Variants in ERICH3 observed in about 807,000 individuals in gnomAD.
ERICH3 encodes the protein glutamate-rich protein 3.
Under a neutral mutation model 131.1 loss-of-function variants are expected in ERICH3, and 126 were observed. That is an observed-to-expected ratio of 0.96 (90% confidence interval 0.83 to 1.11). The LOEUF (loss-of-function observed/expected upper bound fraction) is 1.11. Among genes scored for constraint, ERICH3 ranks in the 50% most tolerant of loss-of-function variants. The pLI, the probability that ERICH3 is intolerant of heterozygous loss-of-function variation, is 0.00. For synonymous variants in ERICH3, 695 were observed against 644.6 expected, an observed-to-expected ratio of 1.08 and a Z score of -1.18; for missense variants, 2,050 against 1,810.7, an observed-to-expected ratio of 1.13 and a Z score of -2.40.
In ERICH3 at chr1:74,589,682, T is replaced by G. The variant is rs761890198; in HGVS notation, c.2125A>C (p.Thr709Pro). Residue 709 changes from threonine (T) to proline (P), a missense_variant, in exon 12 of 15, where the codon ACT becomes CCT. Thr to Pro is a conservative substitution (Grantham distance 38). Coordinates refer to ENST00000326665, the MANE Select transcript of ERICH3 (RefSeq NM_001002912.5). ...KDKSKLWEES[T>P]AQVKDKKAGL... Reference sequence around the variant, plus strand: ...GCCTTTTTGTCCTTCACCTGAGCAGTGCTTTCTTCCCAAAGCTTACTCTTA... The same window carrying G: ...GCCTTTTTGTCCTTCACCTGAGCAGGGCTTTCTTCCCAAAGCTTACTCTTA... 5 of 1,614,002 alleles carry G rather than the reference T, an allele frequency of 3.1e-6. No individual in the cohort carries two copies. In the South Asian group the frequency reaches 4.4e-5, roughly 14 times the overall value.
chr1:74,575,846 G>A (rs1193298467), intron 13 of ERICH3, among the ~76,000 whole-genome samples: 1 of 152,162 alleles, frequency 6.6e-6, no homozygotes, highest in Non-Finnish European at 1.5e-5. Flanking sequence ...CACTATAAGG[G>A]TGTCAGACAT....
At position 74,673,765 on chromosome 1, in the gene ERICH3, C is replaced by G; in HGVS notation, c.-246G>C. 1 of 397,678 alleles carries G rather than the reference C, an allele frequency of 2.5e-6. No individual in the cohort carries two copies. Among genetic ancestry groups the G allele is most frequent in the Non-Finnish European group, 4.4e-6 (1 of 227,646 alleles). The allele number at this position is 397,678 out of a possible 1,614,324, so 24.6% of individuals were successfully genotyped here. On this transcript the variant is annotated 5_prime_UTR_variant, in exon 1 of 15. Transcript: ENST00000326665. ...CTAAGGGAGGAGAGAGGCAAGCGCC[C>G]AGGGTCTGGAGAAGCGGAGGCGCTA...
At position 74,643,016 on chromosome 1, in the gene ERICH3, T is replaced by C; in HGVS notation, c.315+11A>G. The C allele has an allele frequency of 6.3e-7, 1 of 1,584,028 alleles. No individual in the cohort carries two copies. Among genetic ancestry groups the C allele is most frequent in the Non-Finnish European group, 8.6e-7 (1 of 1,157,916 alleles). The stretch of plus-strand genomic sequence containing the variant: ...TACTATGAAGTAAAAGAGAGTTATA[T>C]AACTCCTTACCTTAAACCTCTGGAT... On this transcript the variant is annotated intron_variant, in intron 4 of 14. Transcript: ENST00000326665.
chr1:74,642,098 A>G, intron 4 of ERICH3, among the ~76,000 whole-genome samples: 1 of 152,026 alleles, frequency 6.6e-6, no homozygotes, highest in East Asian at 1.9e-4. Context: ...AGAATCTATG[A>G]CTCAGTCCTT....
intron 12 of ERICH3, among the ~76,000 whole-genome samples, chr1:74,586,205 A>T (rs1647321748): frequency 6.6e-6 from 1 of 152,114 alleles, no homozygotes; most frequent in Non-Finnish European, 1.5e-5. Flanking sequence ...TAAGGTGAAT[A>T]AGAAGAAAAG....
At position 74,606,726 on chromosome 1, in the gene ERICH3, T is replaced by C; in HGVS notation, c.1364A>G (p.Lys455Arg). Residue 455 changes from lysine (K) to arginine (R), a missense_variant, in exon 10 of 15, where the codon AAA becomes AGA. By Grantham distance (26) the Lys-to-Arg change is conservative (BLOSUM62 2). Coordinates refer to ENST00000326665, the MANE Select transcript of ERICH3 (RefSeq NM_001002912.5). ...IKENKTSVSAKFSAQEIKTGL... is the reference protein window; with the variant it reads ...IKENKTSVSARFSAQEIKTGL... ...TGTTTTTATTTCTTGAGCTGAAAAT[T>C]TGGCTGAAACAGAGGTTTTGTTCTC... The C allele has an allele frequency of 6.2e-7, 1 of 1,613,460 alleles. No homozygotes were observed. Among genetic ancestry groups the C allele is most frequent in the Middle Eastern group, 1.7e-4 (1 of 6,060 alleles).
intron 8 of ERICH3, among the ~76,000 whole-genome samples, chr1:74,620,225 A>C (rs574298605): frequency 6.6e-6 from 1 of 152,328 alleles, no homozygotes; most frequent in Admixed American, 6.5e-5. Flanking sequence ...ACAAACGTGG[A>C]TTTATGATCA....
chr1:74,648,194 G>A (rs916562759), intron 2 of ERICH3, among the ~76,000 whole-genome samples: 1 of 152,108 alleles, frequency 6.6e-6, no homozygotes, highest in African/African-American at 2.4e-5. Flanking sequence ...TGTTCAGTAA[G>A]TGCTTGTTAA....
At chr1:74,616,112 G>A (rs188852117) in intron 8 of ERICH3, among the ~76,000 whole-genome samples, 132 of 151,942 alleles carry the variant, frequency 8.7e-4, no homozygotes, top group African/African-American at 3.1e-3. Context: ...AGCTATTCTC[G>A]TGCCTCAGCC....
intron 6 of ERICH3, among the ~76,000 whole-genome samples, chr1:74,632,602 C>A (rs1157791610): frequency 2.0e-5 from 3 of 151,704 alleles, no homozygotes; most frequent in Non-Finnish European, 4.4e-5. Context: ...GTTAATTGCA[C>A]AAAATGTAAC....
Position 74,589,759 on chromosome 1 carries a change from C to A in ERICH3, c.2048G>T (p.Gly683Val), listed in dbSNP as rs1405076738. Residue 683 changes from glycine (G) to valine (V), a missense_variant, in exon 12 of 15, where the codon GGT becomes GTT. Gly to Val is a moderately radical substitution (Grantham distance 109). Transcript: ENST00000326665. Reference sequence around the variant, plus strand: ...ATGTTTCCCGGACTTCTCAGATAAACCCTCTGCAATCTCTTGGGTTCCTTT... The same window carrying A: ...ATGTTTCCCGGACTTCTCAGATAAAACCTCTGCAATCTCTTGGGTTCCTTT... ...TEKGTQEIAE[G>V]LSEKSGKHVS... 6 of 1,614,010 alleles carry A rather than the reference C, an allele frequency of 3.7e-6. No homozygotes were observed. Among genetic ancestry groups the A allele is most frequent in the Admixed American group, 1.7e-5 (1 of 59,984 alleles).
At chr1:74,633,191 T>C (rs1039410266) in intron 6 of ERICH3, among the ~76,000 whole-genome samples, 3 of 151,846 alleles carry the variant, frequency 2.0e-5, no homozygotes. Flanking sequence ...CATTGCTAAA[T>C]GAGCAAAAGG....
intron 8 of ERICH3, 98 bp downstream of exon 8, chr1:74,620,636 T>C: frequency 9.1e-7 from 1 of 1,103,194 alleles, no homozygotes; most frequent in Admixed American, 2.7e-5. Context: ...ATGCATAATT[T>C]CATAAAGTGA....
At chr1:74,605,709 A>T (rs1648354250) in intron 10 of ERICH3, among the ~76,000 whole-genome samples, 1 of 151,756 alleles carries the variant, frequency 6.6e-6, no homozygotes, top group Non-Finnish European at 1.5e-5. Flanking sequence ...TACATGGTAC[A>T]GCTCATGGCA....
Position 74,636,437 on chromosome 1 carries a change from G to A in ERICH3, c.446C>T (p.Thr149Ile). The change falls in exon 6 of 15, where the codon ACA becomes ATA. Residue 149 changes from threonine to isoleucine, a missense_variant and splice_region_variant. By Grantham distance (89) the Thr-to-Ile change is moderately conservative. Coordinates refer to ENST00000326665, the MANE Select transcript of ERICH3 (RefSeq NM_001002912.5). ...DEGHSSPLAL[T>I]APRPYTAPGN... Reference sequence around the variant, plus strand: ...TGGAGCAGTATATGGTCGAGGGGCTGTCTAGACAATTAGGGGAAAAAATTC... The same window carrying A: ...TGGAGCAGTATATGGTCGAGGGGCTATCTAGACAATTAGGGGAAAAAATTC... 4.4e-6 allele frequency: 7 copies of A among 1,597,636 alleles called. No homozygotes were observed. The highest frequency in any genetic ancestry group is 6.0e-6 in the Non-Finnish European group (7 of 1,172,160).
chr1:74,579,466 G>C (rs186372032), intron 12 of ERICH3: 1 of 985,190 alleles, frequency 1.0e-6, no homozygotes, highest in African/African-American at 1.7e-5. Flanking sequence ...ACTTGCCCAC[G>C]TCTGCTGGCT....
chr1:74,607,034 C>T (rs1648434744), intron 9 of ERICH3, 132 bp from the exon 10 acceptor site: 2 of 628,946 alleles, frequency 3.2e-6, no homozygotes, highest in East Asian at 3.1e-5. Flanking sequence ...ACAGTACACA[C>T]TAATAAAAAT....
intron 10 of ERICH3, among the ~76,000 whole-genome samples, chr1:74,606,074 G>A (rs1210730185): frequency 6.6e-6 from 1 of 151,408 alleles, no homozygotes; most frequent in Non-Finnish European, 1.5e-5. Flanking sequence ...AGAAGCAGTG[G>A]AAGGCAGGAG....
chr1:74,571,334 G>A lies in ERICH3; in HGVS notation c.4376C>T (p.Thr1459Ile). 2 of 1,613,950 alleles carry A rather than the reference G, an allele frequency of 1.2e-6. No individual in the cohort carries two copies. Among genetic ancestry groups the A allele is most frequent in the Non-Finnish European group, 1.7e-6 (2 of 1,180,002 alleles). Reference sequence around the variant, plus strand: ...CTCCTGCCTCCCATCGCCACTCCCAGTGGCTGCCTCCTGGCCCTCTGACCC... The same window carrying A: ...CTCCTGCCTCCCATCGCCACTCCCAATGGCTGCCTCCTGGCCCTCTGACCC... ...EEGSEGQEAATGSGDGRQETG... is the reference protein window; with the variant it reads ...EEGSEGQEAAIGSGDGRQETG... The change falls in exon 14 of 15, where the codon ACT becomes ATT. Residue 1459 changes from threonine to isoleucine, a missense_variant. Transcript: ENST00000326665.
Sources: gnomAD v4.1 joint callset for allele counts (sites outside exome capture counted in the v4.1 genomes callset) on GRCh38, gnomAD v4.1.1 for gene constraint, MANE v1.5 for transcripts, NCBI Gene and HGNC (gene_info 2026-07-23, HGNC 2026-07-21) for gene names.